Variants in PACRG observed in about 807,000 individuals in gnomAD.
PACRG encodes the protein parkin coregulated gene protein.
Under a neutral mutation model 29.7 loss-of-function variants are expected in PACRG, and 29 were observed. The observed-to-expected ratio is 0.98, with a 90% CI of 0.73 to 1.33. The LOEUF (loss-of-function observed/expected upper bound fraction) is 1.33, where lower values mean the gene tolerates loss of function less well. PACRG is among the 40% of genes most tolerant of loss of function. The pLI is 0.00. For missense variants in PACRG, 279 were observed against 316.2 expected, an observed-to-expected ratio of 0.88 and a Z score of 0.89; for synonymous variants, 116 against 118.7, an observed-to-expected ratio of 0.98 and a Z score of 0.15.
At chr6:163,068,402 A>G (rs1251363415) in intron 3 of PACRG, among the ~76,000 whole-genome samples, 3 of 151,468 alleles carry the variant, frequency 2.0e-5, no homozygotes, top group African/African-American at 7.3e-5. Context: ...TTTGCCTGTG[A>G]CCTATTGGCC....
At chr6:162,884,178 G>T (rs1315544446) in intron 2 of PACRG, among the ~76,000 whole-genome samples, 1 of 152,136 alleles carries the variant, frequency 6.6e-6, no homozygotes, top group Non-Finnish European at 1.5e-5. Flanking sequence ...GGGCTCAAGT[G>T]ATCTGCCTGC....
intron 2 of PACRG, among the ~76,000 whole-genome samples, chr6:162,934,312 G>T (rs771231625): frequency 6.6e-6 from 1 of 152,028 alleles, no homozygotes; most frequent in African/African-American, 2.4e-5. Flanking sequence ...TCACTTCCCT[G>T]GTTGGGAGGG....
intron 1 of PACRG, among the ~76,000 whole-genome samples, chr6:162,755,268 T>C (rs1029535214): frequency 6.6e-6 from 1 of 152,172 alleles, no homozygotes; most frequent in Admixed American, 6.5e-5. Context: ...TAAATTATCT[T>C]TTAGTTTCTA....
chr6:163,044,598 A>G (rs1481922249), intron 2 of PACRG: 2 of 152,170 alleles, frequency 1.3e-5, no homozygotes, highest in South Asian at 4.2e-4. Flanking sequence ...GGAAGTATTT[A>G]CAAAGGAACT....
At chr6:163,213,704 TG>T in intron 4 of PACRG, among the ~76,000 whole-genome samples, 1 of 152,244 alleles carries the variant, frequency 6.6e-6, no homozygotes, top group Non-Finnish European at 1.5e-5. Context: ...ATTAGTTATT[TG>T]TAAATTAAGG....
At chr6:162,995,632 C>T (rs1335217850) in intron 2 of PACRG, among the ~76,000 whole-genome samples, 1 of 152,238 alleles carries the variant, frequency 6.6e-6, no homozygotes, top group Non-Finnish European at 1.5e-5. Context: ...TGGCCTGCGC[C>T]CACTGTCTGG....
chr6:163,103,777 T>G (rs1815230217), intron 4 of PACRG, among the ~76,000 whole-genome samples: 1 of 152,238 alleles, frequency 6.6e-6, no homozygotes, highest in African/African-American at 2.4e-5. Flanking sequence ...CAAAATTAAC[T>G]GCCAACATTT....
intron 2 of PACRG, among the ~76,000 whole-genome samples, chr6:162,905,723 A>G (rs866603506): frequency 1.4e-4 from 22 of 152,172 alleles, no homozygotes; most frequent in South Asian, 4.1e-4. Flanking sequence ...TTTAGCTTCC[A>G]ATTAATGTTG....
chr6:163,260,321 G>C (rs947964928), intron 4 of PACRG, among the ~76,000 whole-genome samples: 2 of 151,714 alleles, frequency 1.3e-5, no homozygotes, highest in Non-Finnish European at 2.9e-5. Flanking sequence ...CAGCTCCCAC[G>C]TTGGTCCAAA....
intron 4 of PACRG, among the ~76,000 whole-genome samples, chr6:163,265,582 A>G (rs919314746): frequency 4.6e-5 from 7 of 152,228 alleles, no homozygotes; most frequent in Non-Finnish European, 7.3e-5. Flanking sequence ...TATAATAAGC[A>G]TATAGTGTTA....
At chr6:162,854,150 A>C (rs533595914) in intron 2 of PACRG, among the ~76,000 whole-genome samples, 76 of 135,808 alleles carry the variant, frequency 5.6e-4, no homozygotes, top group Admixed American at 3.4e-3. Context: ...TGGGAGAAGG[A>C]GACCATTTTC....
intron 4 of PACRG, among the ~76,000 whole-genome samples, chr6:163,119,954 A>G (rs555959596): frequency 6.6e-6 from 1 of 152,138 alleles, no homozygotes; most frequent in African/African-American, 2.4e-5. Context: ...TGAAAGACCA[A>G]ATGTTCATCA....
intron 1 of PACRG, among the ~76,000 whole-genome samples, chr6:162,743,869 A>G (rs1157037754): frequency 6.6e-6 from 1 of 152,164 alleles, no homozygotes; most frequent in African/African-American, 2.4e-5. Context: ...CAAATGGCTT[A>G]TTGGTCCCAG....
chr6:162,933,522 T>A (rs1376767690), intron 2 of PACRG, among the ~76,000 whole-genome samples: 1 of 152,028 alleles, frequency 6.6e-6, no homozygotes, highest in Non-Finnish European at 1.5e-5. Flanking sequence ...TGTTTTGGTG[T>A]TGTGAGCATA....
chr6:162,800,796 A>T (rs1350091963), intron 1 of PACRG, among the ~76,000 whole-genome samples: 1 of 152,106 alleles, frequency 6.6e-6, no homozygotes, highest in Non-Finnish European at 1.5e-5. Context: ...TAATACATTG[A>T]AGTTTTCCCT....
intron 2 of PACRG, among the ~76,000 whole-genome samples, chr6:162,854,142 G>A (rs1476493637): frequency 6.8e-6 from 1 of 146,216 alleles, no homozygotes; most frequent in Non-Finnish European, 1.5e-5. Flanking sequence ...GCTAGTTCTG[G>A]GAGAAGGAGA....
At chr6:162,865,970 T>C (rs1792265198) in intron 2 of PACRG, among the ~76,000 whole-genome samples, 1 of 152,188 alleles carries the variant, frequency 6.6e-6, no homozygotes, top group South Asian at 2.1e-4. Context: ...GAACCAGAGA[T>C]ACCCATGTTT....
intron 4 of PACRG, among the ~76,000 whole-genome samples, chr6:163,270,698 T>A (rs1294613159): frequency 1.3e-5 from 2 of 151,914 alleles, no homozygotes; most frequent in Non-Finnish European, 2.9e-5. Flanking sequence ...AAAGCCCAAA[T>A]ACAATATGGG....
intron 4 of PACRG, among the ~76,000 whole-genome samples, chr6:163,300,740 A>G (rs1291634102): frequency 6.6e-6 from 1 of 152,268 alleles, no homozygotes; most frequent in Non-Finnish European, 1.5e-5. Flanking sequence ...ACTACAAAAG[A>G]ATGACCTTTT....
Sources: allele counts gnomAD v4.1 joint callset (sites outside exome capture counted in the v4.1 genomes callset), GRCh38; gene constraint gnomAD v4.1.1; transcripts MANE v1.5; gene names NCBI Gene and HGNC (gene_info 2026-07-23, HGNC 2026-07-21).